NFATC1: variants seen among roughly 807,000 people sequenced by gnomAD.
NFATC1 encodes nuclear factor of activated T-cells, cytoplasmic 1.
A neutral mutation model predicts 76.0 loss-of-function variants in NFATC1; 22 were observed. That is an observed-to-expected ratio of 0.29 (90% CI 0.21 to 0.41). NFATC1 has a LOEUF of 0.41. NFATC1 is among the 10% of genes least tolerant of loss of function. The probability of loss-of-function intolerance (pLI) is 1.00; values close to 1 mark genes in which losing one functional copy is unlikely to be tolerated. For missense variants in NFATC1, 1,357 were observed against 1,337.7 expected, an observed-to-expected ratio of 1.01 and a Z score of -0.23; for synonymous variants, 704 against 613.1, an observed-to-expected ratio of 1.15 and a Z score of -2.19.
At chr18:79,414,515 A>G (rs1255842767) in intron 2 of NFATC1, among the ~76,000 whole-genome samples, 1 of 152,234 alleles carries the variant, frequency 6.6e-6, no homozygotes, top group African/African-American at 2.4e-5. Context: ...AGAGGCCCAC[A>G]ATGGTCAAAG....
intron 3 of NFATC1, among the ~76,000 whole-genome samples, chr18:79,436,736 G>A (rs143678033): frequency 6.6e-6 from 1 of 152,110 alleles, no homozygotes; most frequent in African/African-American, 2.4e-5. Flanking sequence ...GGCGTGAGGG[G>A]GTCCGGCATC....
At position 79,524,245 on chromosome 18, in the gene NFATC1, G is replaced by A. The variant is rs941914697; in HGVS notation, c.2783-3283G>A. ...CTCAGACCAACCCCAGGATGGGCCC[G>A]TTGTCCACCTGTGAAAGGGGAAGCC... is the stretch of plus-strand genomic sequence containing the variant. On this transcript the variant is annotated intron_variant, in intron 9 of 9. Transcript: ENST00000427363. This position sits in a 1 kb window ranked among gnomAD's most constrained non-coding sequence, Gnocchi z 7.2. 3.9e-5 allele frequency among the ~76,000 whole-genome samples: 6 copies of A among 152,202 alleles called. No homozygotes were observed. The highest frequency in any genetic ancestry group is 1.9e-4 in the East Asian group (1 of 5,190).
rs141772072 is a variant in NFATC1 at position 79,414,329 on chromosome 18, C to T, written c.1226+2828C>T. Among the ~76,000 whole-genome samples the T allele has an allele frequency of 1.3e-3, 195 of 152,298 alleles. 1 individual carries two copies. Among genetic ancestry groups the T allele is most frequent in the African/African-American group, 4.5e-3 (185 of 41,560 alleles). ...AGAATGCACGACATGCCCATCTTCT[C>T]CCCACCGTGGTACAGAACTGCTGCT... On this transcript the variant is annotated intron_variant, in intron 2 of 9. Transcript: ENST00000427363.
intron 2 of NFATC1, among the ~76,000 whole-genome samples, chr18:79,418,339 C>T (rs1031912859): frequency 6.6e-6 from 1 of 152,200 alleles, no homozygotes; most frequent in Admixed American, 6.5e-5. Flanking sequence ...TAGTCACAAC[C>T]AACAGAACTG....
chr18:79,483,575 C>T (rs1363086505), intron 8 of NFATC1, among the ~76,000 whole-genome samples: 6 of 124,148 alleles, frequency 4.8e-5, no homozygotes, highest in Admixed American at 8.3e-5. Context: ...GTCACTCCGG[C>T]GTGACCTGGT....
chr18:79,425,019 GTCTCCATCTCTCTCCA>G (rs1352897102), intron 2 of NFATC1, among the ~76,000 whole-genome samples: 1,461 of 136,100 alleles, frequency 0.011, 21 homozygotes, highest in African/African-American at 0.038. Context: ...CTCTCTCTCT[GTCTCCATCTCTCTCCA>G]TCTCTCTCTC....
At chr18:79,513,172 G>T (rs904524275) in intron 9 of NFATC1, among the ~76,000 whole-genome samples, 1 of 152,220 alleles carries the variant, frequency 6.6e-6, no homozygotes. Flanking sequence ...GTCAACTCCC[G>T]TCGGCGTAGA....
intron 9 of NFATC1, chr18:79,497,376 C>G (rs887918423): frequency 1.3e-5 from 2 of 152,132 alleles, no homozygotes; most frequent in Non-Finnish European, 2.9e-5. Context: ...GCCGCTCCAG[C>G]CCCGAGGCGC....
intron 6 of NFATC1, among the ~76,000 whole-genome samples, chr18:79,456,080 T>C (rs2087710237): frequency 6.6e-6 from 1 of 152,208 alleles, no homozygotes; most frequent in African/African-American, 2.4e-5. Context: ...CCACAAGCTC[T>C]GACAGGCACC....
At chr18:79,407,095 C>T (rs974588337) in intron 1 of NFATC1, among the ~76,000 whole-genome samples, 11 of 152,238 alleles carry the variant, frequency 7.2e-5, no homozygotes, top group Admixed American at 1.3e-4. Flanking sequence ...CAGGTATCAC[C>T]AGCAGATCAG....
At chr18:79,512,780 C>CG (rs1261741559) in intron 9 of NFATC1, among the ~76,000 whole-genome samples, 1 of 152,224 alleles carries the variant, frequency 6.6e-6, no homozygotes, top group Non-Finnish European at 1.5e-5. Flanking sequence ...CCCACTCGAG[C>CG]TCTCAGCCCC....
At chr18:79,482,497 C>T (rs113118218) in intron 8 of NFATC1, among the ~76,000 whole-genome samples, 1 of 144,228 alleles carries the variant, frequency 6.9e-6, no homozygotes, top group Non-Finnish European at 1.5e-5. Flanking sequence ...TGAGCTGTTT[C>T]CTGGGGTGTC....
chr18:79,514,242 C>G (rs2090326486), intron 9 of NFATC1, among the ~76,000 whole-genome samples: 1 of 152,014 alleles, frequency 6.6e-6, no homozygotes, highest in South Asian at 2.1e-4. Flanking sequence ...AGTTGGAGAC[C>G]ACCCTGGGGC....
intron 9 of NFATC1, among the ~76,000 whole-genome samples, chr18:79,506,596 C>T (rs570021709): frequency 1.3e-5 from 2 of 152,228 alleles, no homozygotes; most frequent in Admixed American, 1.3e-4. Flanking sequence ...GTCCAACACA[C>T]GGTCCCTGGA....
chr18:79,400,666 C>T (rs1036711437), intron 1 of NFATC1, among the ~76,000 whole-genome samples: 3 of 101,832 alleles, frequency 2.9e-5, no homozygotes, highest in Non-Finnish European at 6.5e-5. Flanking sequence ...TTCCTCCGAG[C>T]GCTCGCGGCG....
intron 9 of NFATC1, among the ~76,000 whole-genome samples, chr18:79,518,097 A>G (rs2090428244): frequency 6.6e-6 from 1 of 152,234 alleles, no homozygotes; most frequent in Non-Finnish European, 1.5e-5. Flanking sequence ...CCTGGTGCTC[A>G]GTGGGTCTCC....
chr18:79,413,091 C>T (rs1175266465), intron 2 of NFATC1, among the ~76,000 whole-genome samples: 3 of 152,218 alleles, frequency 2.0e-5, no homozygotes, highest in African/African-American at 4.8e-5. Flanking sequence ...GACTCTCCAG[C>T]CCACAGTCAT....
In NFATC1 at chr18:79,528,303, AG is replaced by A. The variant is rs771465563; in HGVS notation, c.*727del. ...CGAACATAGCACAAGTAACTTGAAT[AG>A]CACATCAATAGGTTACTGGACAAAA... On this transcript the variant is annotated 3_prime_UTR_variant, in exon 10 of 10. Coordinates refer to ENST00000427363, the MANE Select transcript of NFATC1 (RefSeq NM_001278669.2). The A allele has an allele frequency of 2.2e-5, 4 of 184,074 alleles. No homozygotes were observed. The highest frequency in any genetic ancestry group is 4.5e-5 in the Non-Finnish European group (4 of 89,824). The allele number at this position is 184,074 out of a possible 1,614,324, so 11.4% of individuals were successfully genotyped here.
rs577316954 is a variant in NFATC1 at position 79,462,367 on chromosome 18, G to A, written c.1959+1001G>A. Among the ~76,000 whole-genome samples, 8 of 152,224 alleles carry A rather than the reference G, an allele frequency of 5.3e-5. No individual in the cohort carries two copies. The South Asian group carries it at 6.2e-4, about 12-fold the overall frequency. ...TTTTGTTTTTTTGAAACAGAGTTTC[G>A]TTCTTGTTGCCCAGGCTGGAGTGCA... On this transcript the variant is annotated intron_variant, in intron 7 of 9. Transcript: ENST00000427363.
Sources: allele counts gnomAD v4.1 joint callset (sites outside exome capture counted in the v4.1 genomes callset), GRCh38; gene constraint gnomAD v4.1.1; non-coding constraint Gnocchi (gnomAD v3.1); transcripts MANE v1.5; gene names NCBI Gene and HGNC (gene_info 2026-07-23, HGNC 2026-07-21).